BARHL1: variants seen among roughly 807,000 people sequenced by gnomAD.
The protein encoded by BARHL1 is BarH like homeobox 1, also known as barH-like 1 homeobox protein.
A neutral mutation model predicts 20.1 loss-of-function variants in BARHL1; 2 were observed. The ratio of observed to expected loss-of-function variants is 0.10; its 90% CI spans 0.04 to 0.31. The LOEUF (loss-of-function observed/expected upper bound fraction) is 0.31. BARHL1 is among the 10% of genes least tolerant of loss of function. BARHL1 has a pLI of 1.00. For missense variants in BARHL1, 397 were observed against 454.0 expected (o/e 0.87, Z 1.14); for synonymous variants, 213 against 209.9 (o/e 1.01, Z -0.13).
At position 132,582,935 on chromosome 9, in the gene BARHL1, C is replaced by G; in HGVS notation, c.138C>G (p.Ser46Arg). 1 of 1,613,466 alleles carries G rather than the reference C, an allele frequency of 6.2e-7. No individual in the cohort carries two copies. Among genetic ancestry groups the G allele is most frequent in the Non-Finnish European group, 8.5e-7 (1 of 1,179,966 alleles). The stretch of plus-strand genomic sequence containing the variant: ...TGAGTCCACGCTCAGAGAGCAGCAG[C>G]GACTGCTCTTCGCCAGCCTCTCCAG... ...LELSPRSESSSDCSSPASPGR... is the reference protein window; with the variant it reads ...LELSPRSESSRDCSSPASPGR... The change falls in exon 1 of 3, where the codon AGC becomes AGG. Residue 46 changes from serine (S) to arginine (R), a missense_variant. Ser to Arg is a moderately radical substitution (Grantham distance 110). Around this residue, in one of 3 missense-constraint regions of BARHL1, gnomAD observed 272 missense variants for 298.7 expected, o/e 0.91. Transcript: ENST00000263610.
chr9:132,587,540 C>T lies in BARHL1; in HGVS notation c.678C>T (p.Tyr226=). 6.2e-7 allele frequency: 1 copy of T among 1,610,718 alleles called. No homozygotes were observed. Among genetic ancestry groups the T allele is most frequent in the South Asian group, 1.1e-5 (1 of 90,488 alleles). Residue 226 remains tyrosine (Y), a synonymous_variant, in exon 2 of 3, where the codon TAC becomes TAT. Coordinates refer to ENST00000263610, the MANE Select transcript of BARHL1 (RefSeq NM_020064.4). The surrounding 1 kb of genome is among the most constrained non-coding windows in gnomAD (Gnocchi z 5.5). ...NLTDTQVKTW[Y]QNRRTKWKRQ... Reference sequence around the variant, plus strand: ...CCGACACGCAGGTCAAGACCTGGTACCAGAACCGCAGGTGAGGCCTGGCTG... The same window carrying T: ...CCGACACGCAGGTCAAGACCTGGTATCAGAACCGCAGGTGAGGCCTGGCTG...
At chr9:132,589,151 C>A in intron 2 of BARHL1, 77 bp from the exon 3 acceptor site, 1 of 1,524,074 alleles carries the variant, frequency 6.6e-7, no homozygotes, top group Non-Finnish European at 8.8e-7. Flanking sequence ...GCTCTCTGGG[C>A]CAAGCAGTGG....
At chr9:132,584,690 G>A (rs2119131904) in intron 1 of BARHL1, among the ~76,000 whole-genome samples, 1 of 152,332 alleles carries the variant, frequency 6.6e-6, no homozygotes, top group East Asian at 1.9e-4. Context: ...CCTTCAGCCA[G>A]GCTGTGCCGA....
At chr9:132,583,354 C>T in intron 1 of BARHL1, 91 bp downstream of exon 1, 1 of 1,197,036 alleles carries the variant, frequency 8.4e-7, no homozygotes, top group Non-Finnish European at 1.2e-6. Context: ...CATGCACTCG[C>T]TCACCTGGGG....
At position 132,587,106 on chromosome 9, in the gene BARHL1, G is replaced by A. The variant is rs1830152407; in HGVS notation, c.467-223G>A. On this transcript the variant is annotated intron_variant, in intron 1 of 2. Coordinates refer to ENST00000263610, the MANE Select transcript of BARHL1 (RefSeq NM_020064.4). The surrounding 1 kb of genome is among the most constrained non-coding windows in gnomAD (Gnocchi z 5.5). ...GTTCTTTCTCCCCGGAGCTGCCCGG[G>A]GGGTCTCGGCCTCGGGCGCTCCCGC... 6.6e-6 allele frequency among the ~76,000 whole-genome samples: 1 copy of A among 152,234 alleles called. No homozygotes were observed. Among genetic ancestry groups the A allele is most frequent in the Non-Finnish European group, 1.5e-5 (1 of 68,044 alleles).
chr9:132,584,425 A>G, intron 1 of BARHL1, among the ~76,000 whole-genome samples: 1 of 152,148 alleles, frequency 6.6e-6, no homozygotes, highest in Non-Finnish European at 1.5e-5. Context: ...AATCTTTTCA[A>G]GAGACAAAAT....
At position 132,589,724 on chromosome 9, in the gene BARHL1, C is replaced by G; in HGVS notation, c.*202C>G. On this transcript the variant is annotated 3_prime_UTR_variant, in exon 3 of 3. Coordinates refer to ENST00000263610, the MANE Select transcript of BARHL1 (RefSeq NM_020064.4). ...CCCGGACTGCGTCTCCCCAGCCCCC[C>G]TCGGCGTCCTCTCTCGCGGCCGCTC... The G allele has an allele frequency of 1.5e-6, 1 of 662,668 alleles. No individual in the cohort carries two copies. Among genetic ancestry groups the G allele is most frequent in the Non-Finnish European group, 2.1e-6 (1 of 479,044 alleles). The allele number at this position is 662,668 out of a possible 1,614,324, so 41.0% of individuals were successfully genotyped here.
In BARHL1 at chr9:132,589,184, G is replaced by C. The variant is rs747968983; in HGVS notation, c.690-44G>C. On this transcript the variant is annotated intron_variant, in intron 2 of 2. Coordinates refer to ENST00000263610, the MANE Select transcript of BARHL1 (RefSeq NM_020064.4). Reference sequence around the variant, plus strand: ...TGGGGAGGGGCTGGGGTCGCTGGATGCCCTAGCCCTGATCCCGCCATACGC... The same window carrying C: ...TGGGGAGGGGCTGGGGTCGCTGGATCCCCTAGCCCTGATCCCGCCATACGC... 2.6e-6 allele frequency: 4 copies of C among 1,554,836 alleles called. No homozygotes were observed. The Admixed American group carries it at 7.3e-5, about 28-fold the overall frequency.
At chr9:132,588,773 A>G (rs1168231905) in intron 2 of BARHL1, among the ~76,000 whole-genome samples, 1 of 147,866 alleles carries the variant, frequency 6.8e-6, no homozygotes, top group African/African-American at 2.5e-5. Flanking sequence ...AGAGGAATCA[A>G]TCGCATTCCC....
intron 2 of BARHL1, among the ~76,000 whole-genome samples, chr9:132,588,658 T>C (rs1589939066): frequency 1.3e-5 from 2 of 151,970 alleles, no homozygotes; most frequent in African/African-American, 4.8e-5. Context: ...GGATGGCAGG[T>C]GCAGCCTGCT....
Position 132,587,811 on chromosome 9 carries a change from C to T in BARHL1, c.689+260C>T, listed in dbSNP as rs1407025696. Among the ~76,000 whole-genome samples the T allele has an allele frequency of 6.6e-6, 1 of 152,224 alleles. No homozygotes were observed. The highest frequency in any genetic ancestry group is 2.4e-5 in the African/African-American group (1 of 41,464). On this transcript the variant is annotated intron_variant, in intron 2 of 2. Coordinates refer to ENST00000263610, the MANE Select transcript of BARHL1 (RefSeq NM_020064.4). The surrounding 1 kb of genome is among the most constrained non-coding windows in gnomAD (Gnocchi z 5.5). ...GATGGGTGGACAGACACATAGGCCA[C>T]TGAAAATCCAAGTCCTGCCCCAGCT...
intron 1 of BARHL1, among the ~76,000 whole-genome samples, chr9:132,583,775 CCA>C (rs1311595519): frequency 6.6e-6 from 1 of 152,164 alleles, no homozygotes; most frequent in Non-Finnish European, 1.5e-5. Flanking sequence ...CCCAATGGGC[CCA>C]GTGTGATCCG....
intron 2 of BARHL1, among the ~76,000 whole-genome samples, chr9:132,588,052 C>G (rs921534069): frequency 5.9e-5 from 9 of 152,166 alleles, no homozygotes; most frequent in Admixed American, 3.3e-4. Context: ...GCCTCCCCAG[C>G]CTTTCTGGTC....
At chr9:132,583,359 C>A in intron 1 of BARHL1, 96 bp downstream of exon 1, 1 of 1,134,090 alleles carries the variant, frequency 8.8e-7, no homozygotes, top group Non-Finnish European at 1.2e-6. Context: ...ACTCGCTCAC[C>A]TGGGGGCTCC....
rs374375190 is a variant in BARHL1 at position 132,582,753 on chromosome 9, G to C, written c.-45G>C. On this transcript the variant is annotated 5_prime_UTR_variant, in exon 1 of 3. Coordinates refer to ENST00000263610, the MANE Select transcript of BARHL1 (RefSeq NM_020064.4). ...GCAGGGGCAGCGGCGGCTGGGGTTG[G>C]GGGTGGGTGGGGAGCTTTTGGGGAG... 2 of 1,508,410 alleles carry C rather than the reference G, an allele frequency of 1.3e-6. No individual in the cohort carries two copies. The highest frequency in any genetic ancestry group is 2.3e-5 in the East Asian group (1 of 43,706). The allele number at this position is 1,508,410 out of a possible 1,614,324, so 93.4% of individuals were successfully genotyped here.
chr9:132,587,567 G>C lies in BARHL1; in HGVS notation c.689+16G>C, dbSNP rs751576140. 2 of 1,594,360 alleles carry C rather than the reference G, an allele frequency of 1.3e-6. No individual in the cohort carries two copies. The highest frequency in any genetic ancestry group is 2.3e-5 in the East Asian group (1 of 43,974). On this transcript the variant is annotated intron_variant, in intron 2 of 2. Transcript: ENST00000263610. This position sits in a 1 kb window ranked among gnomAD's most constrained non-coding sequence, Gnocchi z 5.5. ...AGAACCGCAGGTGAGGCCTGGCTGCGGGGGTAGAGGCAGAAAGGGAACTTC... is the reference window on the plus strand; with the variant it reads ...AGAACCGCAGGTGAGGCCTGGCTGCCGGGGTAGAGGCAGAAAGGGAACTTC...
chr9:132,588,164 C>T (rs1250745178), intron 2 of BARHL1, among the ~76,000 whole-genome samples: 2 of 152,120 alleles, frequency 1.3e-5, no homozygotes, highest in Middle Eastern at 3.2e-3. Flanking sequence ...TTCCTAATTT[C>T]CCTCCCGAAC....
intron 2 of BARHL1, among the ~76,000 whole-genome samples, chr9:132,588,657 G>A (rs1031967165): frequency 3.3e-5 from 5 of 152,122 alleles, no homozygotes; most frequent in African/African-American, 1.2e-4. Flanking sequence ...AGGATGGCAG[G>A]TGCAGCCTGC....
Position 132,589,484 on chromosome 9 carries a change from CT to C in BARHL1, c.947del (p.Leu316ArgfsTer184), listed in dbSNP as rs764533524. ...ASEPPPPLPP[L>X]AGVLPRAAQP... Reference sequence around the variant, plus strand: ...CGAGCCGCCCCCGCCGCTGCCCCCCCTGGCCGGCGTCCTCCCACGCGCCGCG... The same window carrying C: ...CGAGCCGCCCCCGCCGCTGCCCCCCCGGCCGGCGTCCTCCCACGCGCCGCG... On this transcript the variant is annotated frameshift_variant, in exon 3 of 3. Transcript: ENST00000263610. LOFTEE classifies it high-confidence loss of function. The C allele has an allele frequency of 8.1e-6, 12 of 1,479,300 alleles. No individual in the cohort carries two copies. Among genetic ancestry groups the C allele is most frequent in the Admixed American group, 2.5e-5 (1 of 39,746 alleles). 91.6% of individuals were successfully genotyped at this position (1,479,300 alleles called of 1,614,324 possible). A position where few individuals can be genotyped will look rare whatever the true frequency, so the allele number is the denominator to read the frequency against.
Sources: allele counts gnomAD v4.1 joint callset (sites outside exome capture counted in the v4.1 genomes callset), GRCh38; gene constraint gnomAD v4.1.1; regional missense constraint gnomAD v4.1.1; non-coding constraint Gnocchi (gnomAD v3.1); transcripts MANE v1.5; gene names NCBI Gene and HGNC (gene_info 2026-07-23, HGNC 2026-07-21).